CCDC148: variants seen among roughly 807,000 people sequenced by gnomAD.
The protein encoded by CCDC148 is coiled-coil domain-containing protein 148.
Under a neutral mutation model 85.7 loss-of-function variants are expected in CCDC148, and 89 were observed. The observed-to-expected ratio is 1.04, with a 90% CI of 0.87 to 1.24. The LOEUF (loss-of-function observed/expected upper bound fraction) is 1.24, where lower values mean the gene tolerates loss of function less well. Among genes scored for constraint, CCDC148 ranks in the 50% most tolerant of loss-of-function variants. The probability of loss-of-function intolerance (pLI) is 0.00; values close to 1 mark genes in which losing one functional copy is unlikely to be tolerated. For missense variants in CCDC148, 692 were observed against 671.7 expected (o/e 1.03, Z -0.33); for synonymous variants, 230 against 213.9 (o/e 1.08, Z -0.66).
chr2:158,338,023 T>C (rs2105239905), intron 7 of CCDC148, among the ~76,000 whole-genome samples: 2 of 152,224 alleles, frequency 1.3e-5, no homozygotes, highest in East Asian at 3.9e-4. Flanking sequence ...TTGAGGTCAA[T>C]ATCATAGCAC....
chr2:158,276,939 C>T (rs1689976030), intron 9 of CCDC148, among the ~76,000 whole-genome samples: 1 of 152,144 alleles, frequency 6.6e-6, no homozygotes, highest in Non-Finnish European at 1.5e-5. Flanking sequence ...TTCCAAACTG[C>T]CCAGCTAATA....
intron 1 of CCDC148, among the ~76,000 whole-genome samples, chr2:158,383,429 A>G (rs1353533245): frequency 1.3e-5 from 2 of 152,108 alleles, no homozygotes; most frequent in Non-Finnish European, 2.9e-5. Context: ...AAAAGTGTAT[A>G]TATGTGTGTA....
At chr2:158,438,145 A>G (rs539060391) in intron 1 of CCDC148, among the ~76,000 whole-genome samples, 1 of 152,296 alleles carries the variant, frequency 6.6e-6, no homozygotes, top group South Asian at 2.1e-4. Flanking sequence ...ATGTGGAACC[A>G]AAAAAGAGCC....
rs77371095 is a variant in CCDC148 at position 158,256,960 on chromosome 2, G to C, written c.1111-6048C>G. On this transcript the variant is annotated intron_variant, in intron 9 of 13. Coordinates refer to ENST00000283233, the MANE Select transcript of CCDC148 (RefSeq NM_138803.4). ...GTCTTATTCATAGGCTGTCTCCAAA[G>C]ATTAGCACAGCATCTGCCAGTCAGT... Among the ~76,000 whole-genome samples, 189 of 151,864 alleles carry C rather than the reference G, an allele frequency of 1.2e-3. 1 individual carries two copies. Among genetic ancestry groups the C allele is most frequent in the African/African-American group, 3.5e-3 (144 of 41,470 alleles).
intron 1 of CCDC148, among the ~76,000 whole-genome samples, chr2:158,396,436 G>C (rs1160999780): frequency 6.6e-6 from 1 of 152,080 alleles, no homozygotes; most frequent in East Asian, 1.9e-4. Flanking sequence ...TTGCACTGCT[G>C]TCTTCCTAAT....
chr2:158,449,454 CT>C (rs34470476), intron 1 of CCDC148, among the ~76,000 whole-genome samples: 10 of 147,878 alleles, frequency 6.8e-5, no homozygotes, highest in East Asian at 2.0e-4. Context: ...TCCTTGGTTT[CT>C]TTTTTTTTTT....
intron 12 of CCDC148, among the ~76,000 whole-genome samples, chr2:158,177,342 C>T (rs1684640934): frequency 6.6e-6 from 1 of 152,046 alleles, no homozygotes; most frequent in South Asian, 2.1e-4. Flanking sequence ...ATTAGTAACA[C>T]CTGCCTATTA....
rs577042049 is a variant in CCDC148, at chr2:158,233,152, A to G, written c.1252-12439T>C. On this transcript the variant is annotated intron_variant, in intron 10 of 13. Transcript: ENST00000283233. The stretch of plus-strand genomic sequence containing the variant: ...CCAGAAATTTGTACAATCACTATGT[A>G]TCAATTATTTAAAAAGATCCCCTTT... Among the ~76,000 whole-genome samples, 16 of 152,294 alleles carry G rather than the reference A, an allele frequency of 1.1e-4. No homozygotes were observed. The East Asian group carries it at 2.5e-3, about 24-fold the overall frequency.
chr2:158,243,881 C>A (rs1417217738), intron 10 of CCDC148, among the ~76,000 whole-genome samples: 2 of 132,962 alleles, frequency 1.5e-5, no homozygotes, highest in South Asian at 3.1e-4. Flanking sequence ...ATCCAGGTGG[C>A]ACCTTCAACA....
chr2:158,442,982 A>G (rs902710439), intron 1 of CCDC148, among the ~76,000 whole-genome samples: 3 of 152,168 alleles, frequency 2.0e-5, no homozygotes, highest in Admixed American at 2.0e-4. Flanking sequence ...GTAAAGGGAG[A>G]TGACTACAGG....
At chr2:158,421,390 C>G (rs1686773577) in intron 1 of CCDC148, among the ~76,000 whole-genome samples, 1 of 152,190 alleles carries the variant, frequency 6.6e-6, no homozygotes, top group African/African-American at 2.4e-5. Flanking sequence ...CAAACTGTCT[C>G]TCAGACTACA....
intron 9 of CCDC148, among the ~76,000 whole-genome samples, chr2:158,304,105 G>A (rs1691572552): frequency 1.3e-5 from 2 of 152,122 alleles, no homozygotes; most frequent in African/African-American, 4.8e-5. Context: ...GTAACTTTAA[G>A]TCACAAAACA....
chr2:158,419,301 T>A, intron 1 of CCDC148, among the ~76,000 whole-genome samples: 1 of 152,210 alleles, frequency 6.6e-6, no homozygotes. Context: ...AAAGGTTATA[T>A]TAAGAATGAG....
At chr2:158,281,717 A>C (rs1690313396) in intron 9 of CCDC148, among the ~76,000 whole-genome samples, 1 of 152,220 alleles carries the variant, frequency 6.6e-6, no homozygotes, top group African/African-American at 2.4e-5. Flanking sequence ...AACTGGTACC[A>C]TTCCTTCTGA....
At chr2:158,251,230 CTA>C (rs1038877826) in intron 9 of CCDC148, among the ~76,000 whole-genome samples, 1 of 151,684 alleles carries the variant, frequency 6.6e-6, no homozygotes, top group African/African-American at 2.4e-5. Flanking sequence ...CTGGTTTTGC[CTA>C]TGTTTTTTTT....
intron 9 of CCDC148, among the ~76,000 whole-genome samples, chr2:158,301,126 T>C (rs930113850): frequency 1.2e-4 from 18 of 152,116 alleles, no homozygotes; most frequent in African/African-American, 4.1e-4. Context: ...TCCAAAGCAC[T>C]GGGATTACAT....
intron 10 of CCDC148, among the ~76,000 whole-genome samples, chr2:158,228,330 A>T (rs1265380261): frequency 1.3e-5 from 2 of 152,212 alleles, no homozygotes; most frequent in African/African-American, 4.8e-5. Flanking sequence ...GAGGACATGG[A>T]GAAATAGGAA....
chr2:158,383,138 A>G (rs1389432655), intron 1 of CCDC148, among the ~76,000 whole-genome samples: 1 of 150,946 alleles, frequency 6.6e-6, no homozygotes, highest in East Asian at 1.9e-4. Context: ...TGTCTCTACT[A>G]AAAATAAAAA....
chr2:158,309,660 G>T, intron 8 of CCDC148, 21 bp from the exon 9 acceptor site: 3 of 1,519,464 alleles, frequency 2.0e-6, no homozygotes, highest in Non-Finnish European at 2.7e-6. Context: ...AACAGAGGGT[G>T]AATACTTATC....
Sources: allele counts gnomAD v4.1 joint callset (sites outside exome capture counted in the v4.1 genomes callset), GRCh38; gene constraint gnomAD v4.1.1; transcripts MANE v1.5; gene names NCBI Gene and HGNC (gene_info 2026-07-23, HGNC 2026-07-21).